The following ATG3 variants were observed in gnomAD, a reference collection of about 807,000 sequenced individuals.
The protein encoded by ATG3 is ubiquitin-like-conjugating enzyme ATG3.
Under a neutral mutation model 50.7 loss-of-function variants are expected in ATG3, and 25 were observed. The ratio of observed to expected loss-of-function variants is 0.49; its 90% confidence interval spans 0.36 to 0.69. The LOEUF (loss-of-function observed/expected upper bound fraction) is 0.69. Among genes scored for constraint, ATG3 ranks in the 30% least tolerant of loss-of-function variants. ATG3 has a pLI of 0.00. For synonymous variants in ATG3, 119 were observed against 125.5 expected, an observed-to-expected ratio of 0.95 and a Z score of 0.34; for missense variants, 281 against 376.0, an observed-to-expected ratio of 0.75 and a Z score of 2.09.
Position 112,547,231 on chromosome 3 carries a change from T to A in ATG3, c.343+1302A>T, listed in dbSNP as rs146849832. ...AGAGATACTGGTAAGCATTCTACAATGCACAGAAAATAATTATCCATTCCA... is the reference window on the plus strand; with the variant it reads ...AGAGATACTGGTAAGCATTCTACAAAGCACAGAAAATAATTATCCATTCCA... On this transcript the variant is annotated intron_variant, in intron 5 of 11. Coordinates refer to ENST00000283290, the MANE Select transcript of ATG3 (RefSeq NM_022488.5). 6.2e-3 allele frequency among the ~76,000 whole-genome samples: 938 copies of A among 152,330 alleles called. 6 individuals carry two copies. The highest frequency in any genetic ancestry group is 0.021 in the African/African-American group (889 of 41,574).
chr3:112,560,170 G>A (rs1020783399), intron 1 of ATG3, among the ~76,000 whole-genome samples: 3 of 152,110 alleles, frequency 2.0e-5, no homozygotes, highest in Admixed American at 6.5e-5. Flanking sequence ...CTCTCTCCCG[G>A]AAACTAAAAA....
chr3:112,536,239 C>A, intron 10 of ATG3: 1 of 430,014 alleles, frequency 2.3e-6, no homozygotes, highest in South Asian at 2.8e-5. Context: ...CTATAAACAC[C>A]CACAGAGAAC....
intron 4 of ATG3, among the ~76,000 whole-genome samples, chr3:112,549,639 T>C (rs1933471855): frequency 6.6e-6 from 1 of 151,912 alleles, no homozygotes; most frequent in Non-Finnish European, 1.5e-5. Flanking sequence ...CAAAACCCTG[T>C]CTCTACTAAA....
At chr3:112,544,522 C>T (rs369314186) in intron 5 of ATG3, among the ~76,000 whole-genome samples, 8 of 151,920 alleles carry the variant, frequency 5.3e-5, no homozygotes, top group East Asian at 1.9e-4. Flanking sequence ...AGCGTGGTGG[C>T]GTGTGCCTGT....
At chr3:112,559,322 T>C (rs954944460) in intron 1 of ATG3, among the ~76,000 whole-genome samples, 1 of 152,214 alleles carries the variant, frequency 6.6e-6, no homozygotes, top group Admixed American at 6.5e-5. Context: ...TGGTAGAGTC[T>C]ACAAAAATGA....
At chr3:112,554,534 C>T (rs1020625711) in intron 2 of ATG3, among the ~76,000 whole-genome samples, 1 of 152,214 alleles carries the variant, frequency 6.6e-6, no homozygotes, top group Admixed American at 6.5e-5. Context: ...TTGCTCTTTT[C>T]GGACTCAGCC....
chr3:112,561,675 G>A lies in ATG3; in HGVS notation c.-147C>T, dbSNP rs1272397347. 5 of 761,248 alleles carry A rather than the reference G, an allele frequency of 6.6e-6. No individual in the cohort carries two copies. Among genetic ancestry groups the A allele is most frequent in the East Asian group, 5.9e-5 (2 of 33,798 alleles). 47.2% of individuals were successfully genotyped at this position (761,248 alleles called of 1,614,324 possible). On this transcript the variant is annotated 5_prime_UTR_variant, in exon 1 of 12. Coordinates refer to ENST00000283290, the MANE Select transcript of ATG3 (RefSeq NM_022488.5). ...CCGAGGGGACGGGACGCGACGCGAC[G>A]GGACGGGCGGGACGAGGGGGCGGGG...
chr3:112,560,981 G>T (rs997904505), intron 1 of ATG3, among the ~76,000 whole-genome samples: 1 of 152,076 alleles, frequency 6.6e-6, no homozygotes, highest in African/African-American at 2.4e-5. Context: ...AAACGAGTTG[G>T]GATCGCAGTC....
intron 1 of ATG3, among the ~76,000 whole-genome samples, chr3:112,559,394 G>C (rs73229383): frequency 0.058 from 8,834 of 152,242 alleles, 329 homozygotes; most frequent in Admixed American, 0.099. Flanking sequence ...GACACTATTT[G>C]AGGCAGTGGG....
chr3:112,547,977 G>C (rs1933413384), intron 5 of ATG3, among the ~76,000 whole-genome samples: 1 of 152,188 alleles, frequency 6.6e-6, no homozygotes, highest in Non-Finnish European at 1.5e-5. Flanking sequence ...ATCTCTGACG[G>C]TCTTTTTTTT....
At chr3:112,550,489 A>G (rs549095116) in intron 3 of ATG3, among the ~76,000 whole-genome samples, 2 of 152,366 alleles carry the variant, frequency 1.3e-5, no homozygotes, top group Middle Eastern at 3.4e-3. Flanking sequence ...TAGACCCAAG[A>G]GAATTTGGAT....
intron 8 of ATG3, 42 bp from the exon 9 acceptor site, chr3:112,537,932 G>A: frequency 6.6e-7 from 1 of 1,511,974 alleles, no homozygotes; most frequent in Non-Finnish European, 9.0e-7. Context: ...CATTAAATCG[G>A]TATGAATGTG....
chr3:112,552,567 A>T (rs988878738), intron 3 of ATG3, among the ~76,000 whole-genome samples: 15 of 151,726 alleles, frequency 9.9e-5, no homozygotes, highest in Non-Finnish European at 1.9e-4. Context: ...AGAACATAAA[A>T]CTGCAAAATC....
chr3:112,541,771 G>C (rs1396428637), intron 7 of ATG3, 32 bp downstream of exon 7: 1 of 1,526,726 alleles, frequency 6.5e-7, no homozygotes, highest in Non-Finnish European at 9.0e-7. Flanking sequence ...CAATATTCTA[G>C]TGGAACTGAA....
intron 8 of ATG3, 23 bp downstream of exon 8, chr3:112,538,123 T>C (rs781002268): frequency 7.8e-6 from 12 of 1,538,668 alleles, no homozygotes; most frequent in Non-Finnish European, 1.1e-5. Flanking sequence ...AAAAATTAAC[T>C]AAAGAAAACT....
chr3:112,536,621 C>T lies in ATG3; in HGVS notation c.667-19G>A, dbSNP rs1576713455. ...GCCGTTGCTGAAAGCATAAAAAATG[C>T]TTTGAAATTACTATTTAAGGCCGGG... is the stretch of plus-strand genomic sequence containing the variant. On this transcript the variant is annotated intron_variant, in intron 9 of 11. Transcript: ENST00000283290. 2 of 1,613,352 alleles carry T rather than the reference C, an allele frequency of 1.2e-6. No homozygotes were observed. Among genetic ancestry groups the T allele is most frequent in the East Asian group, 4.5e-5 (2 of 44,848 alleles).
At chr3:112,556,826 AG>A (rs1933696942) in intron 2 of ATG3, among the ~76,000 whole-genome samples, 1 of 151,990 alleles carries the variant, frequency 6.6e-6, no homozygotes, top group African/African-American at 2.4e-5. Flanking sequence ...GCTTGAAGGC[AG>A]CATGCTCGTT....
At chr3:112,549,941 T>C (rs1933484707) in intron 4 of ATG3, among the ~76,000 whole-genome samples, 2 of 152,132 alleles carry the variant, frequency 1.3e-5, no homozygotes, top group African/African-American at 4.8e-5. Context: ...AATTTCAGTC[T>C]AAAGAAGATT....
rs183104889 is a variant in ATG3 at position 112,546,175 on chromosome 3, A to C, written c.344-2069T>G. ...AAAACAAAAAACAACAACAACAAAC[A>C]AAAAAAAACCTATCTACCTATATCT... On this transcript the variant is annotated intron_variant, in intron 5 of 11. Coordinates refer to ENST00000283290, the MANE Select transcript of ATG3 (RefSeq NM_022488.5). 7.5e-3 allele frequency among the ~76,000 whole-genome samples: 966 copies of C among 128,104 alleles called. 6 individuals carry two copies. Among genetic ancestry groups the C allele is most frequent in the Non-Finnish European group, 0.012 (734 of 61,594 alleles). 84.0% of individuals were successfully genotyped at this position (128,104 alleles called of 152,430 possible).
Sources: gnomAD v4.1 joint callset for allele counts (sites outside exome capture counted in the v4.1 genomes callset) on GRCh38, gnomAD v4.1.1 for gene constraint, MANE v1.5 for transcripts, NCBI Gene and HGNC (gene_info 2026-07-23, HGNC 2026-07-21) for gene names.